The following TMEM150C variants were observed in gnomAD, a reference collection of about 807,000 sequenced individuals.
TMEM150C encodes transmembrane protein 150C.
A neutral mutation model predicts 29.9 loss-of-function variants in TMEM150C; 10 were observed. The observed-to-expected ratio is 0.33, with a 90% CI of 0.21 to 0.57. TMEM150C has a LOEUF of 0.57. TMEM150C is among the 20% of genes least tolerant of loss of function. The pLI, the probability that TMEM150C is intolerant of heterozygous loss-of-function variation, is 0.88. For missense variants in TMEM150C, 251 were observed against 303.6 expected, an observed-to-expected ratio of 0.83 and a Z score of 1.29; for synonymous variants, 101 against 112.5, an observed-to-expected ratio of 0.90 and a Z score of 0.64.
intron 1 of TMEM150C, among the ~76,000 whole-genome samples, chr4:82,539,184 CTT>C (rs1339100939): frequency 6.6e-6 from 1 of 152,092 alleles, no homozygotes; most frequent in Non-Finnish European, 1.5e-5. Context: ...TTTTCAAACT[CTT>C]TTTCAAAGTA....
intron 7 of TMEM150C, 65 bp from the exon 8 acceptor site, chr4:82,485,784 CAG>C: frequency 2.1e-6 from 3 of 1,430,186 alleles, no homozygotes; most frequent in Non-Finnish European, 2.9e-6. Flanking sequence ...CTTTTCAGGG[CAG>C]AGACAGATTA....
rs950578425 is a variant in TMEM150C at position 82,494,971 on chromosome 4, C to A, written c.363+1097G>T. 8.2e-5 allele frequency: 54 copies of A among 655,056 alleles called. 3 individuals carry two copies. In the South Asian group the frequency reaches 8.8e-4, roughly 11 times the overall value. 40.6% of individuals were successfully genotyped at this position (655,056 alleles called of 1,614,324 possible). On this transcript the variant is annotated intron_variant, in intron 6 of 7. Transcript: ENST00000449862. ...GCCGAAAGTTTAGCATATTCTGCAG[C>A]CTCTTCCCTGTTTTTCTTAGTACAC...
chr4:82,557,737 T>TC (rs1434053663), intron 1 of TMEM150C, among the ~76,000 whole-genome samples: 1 of 146,530 alleles, frequency 6.8e-6, no homozygotes, highest in Admixed American at 6.7e-5. Flanking sequence ...TCTTTTTCTT[T>TC]TTTTTTTTTT....
intron 1 of TMEM150C, among the ~76,000 whole-genome samples, chr4:82,516,502 G>A (rs1406773105): frequency 6.6e-6 from 1 of 152,164 alleles, no homozygotes; most frequent in Non-Finnish European, 1.5e-5. Flanking sequence ...TCTATAAAAT[G>A]GGGATCATAA....
In TMEM150C at chr4:82,509,430, A is replaced by G. The variant is rs72913676; in HGVS notation, c.-10-4763T>C. On this transcript the variant is annotated intron_variant, in intron 1 of 7. Transcript: ENST00000449862. ...TTGTGGAAGTGAACAGAGTGTTACT[A>G]TAAGCCCATATTAATTTATTATTTA... 2.7e-3 allele frequency among the ~76,000 whole-genome samples: 404 copies of G among 152,318 alleles called. 1 individual carries two copies. The highest frequency in any genetic ancestry group is 9.4e-3 in the African/African-American group (390 of 41,578).
chr4:82,501,539 GC>G (rs1723737564), intron 5 of TMEM150C, among the ~76,000 whole-genome samples: 3 of 152,198 alleles, frequency 2.0e-5, no homozygotes, highest in Non-Finnish European at 4.4e-5. Context: ...AAGGTGGTTA[GC>G]TCCAGGGAAG....
chr4:82,500,490 G>A (rs1263471160), intron 5 of TMEM150C, among the ~76,000 whole-genome samples: 1 of 152,012 alleles, frequency 6.6e-6, no homozygotes, highest in East Asian at 1.9e-4. Context: ...TCTACCAGAT[G>A]GCACTCAAAA....
intron 1 of TMEM150C, among the ~76,000 whole-genome samples, chr4:82,520,011 T>C (rs1235696075): frequency 6.6e-6 from 1 of 152,210 alleles, no homozygotes; most frequent in Non-Finnish European, 1.5e-5. Flanking sequence ...TATAAATTTG[T>C]CATTGTGAGG....
At chr4:82,502,637 C>T (rs1482610360) in intron 5 of TMEM150C, 90 bp downstream of exon 5, 7 of 1,256,282 alleles carry the variant, frequency 5.6e-6, no homozygotes, top group African/African-American at 3.0e-5. Context: ...ATCAAATAAG[C>T]CCCCCATTGT....
At chr4:82,520,534 T>A (rs537037437) in intron 1 of TMEM150C, among the ~76,000 whole-genome samples, 6 of 152,266 alleles carry the variant, frequency 3.9e-5, no homozygotes, top group Admixed American at 2.6e-4. Flanking sequence ...ACTGAACCAC[T>A]CCTTGCTACA....
chr4:82,495,658 C>T (rs1434556091), intron 6 of TMEM150C: 3 of 297,858 alleles, frequency 1.0e-5, no homozygotes, highest in Non-Finnish European at 2.0e-5. Context: ...AACAGGCAGG[C>T]GGGCATGGCC....
Position 82,556,569 on chromosome 4 carries a change from C to T in TMEM150C, c.-11+5337G>A, listed in dbSNP as rs146422495. 1.6e-4 allele frequency among the ~76,000 whole-genome samples: 24 copies of T among 152,232 alleles called. 1 individual carries two copies. In the East Asian group the frequency reaches 4.2e-3, roughly 27 times the overall value. ...TGGCACACGCCTGTAGTTCCAGCTA[C>T]TTGGGGGGCTGAGGTGGGCGGATCC... On this transcript the variant is annotated intron_variant, in intron 1 of 7. Transcript: ENST00000449862.
chr4:82,500,125 T>A (rs955247379), intron 5 of TMEM150C, among the ~76,000 whole-genome samples: 1 of 152,228 alleles, frequency 6.6e-6, no homozygotes, highest in African/African-American at 2.4e-5. Context: ...AAAGCACAAC[T>A]AATTCTCTAA....
At chr4:82,533,505 TAC>T (rs1724916604) in intron 1 of TMEM150C, among the ~76,000 whole-genome samples, 2 of 152,228 alleles carry the variant, frequency 1.3e-5, no homozygotes, top group Non-Finnish European at 2.9e-5. Context: ...GATGCAGTTT[TAC>T]AGTTATTTAT....
chr4:82,560,753 T>C (rs1345418777), intron 1 of TMEM150C, among the ~76,000 whole-genome samples: 1 of 152,196 alleles, frequency 6.6e-6, no homozygotes, highest in Non-Finnish European at 1.5e-5. Flanking sequence ...AGAATGGAGT[T>C]ATAGCCCTGC....
At chr4:82,527,575 G>A (rs891742541) in intron 1 of TMEM150C, among the ~76,000 whole-genome samples, 6 of 152,146 alleles carry the variant, frequency 3.9e-5, no homozygotes, top group Non-Finnish European at 7.3e-5. Context: ...TTGTGGGTCC[G>A]GGTTGATGCT....
intron 1 of TMEM150C, among the ~76,000 whole-genome samples, chr4:82,540,629 G>A (rs1725171279): frequency 6.6e-6 from 1 of 152,054 alleles, no homozygotes; most frequent in African/African-American, 2.4e-5. Context: ...CCATTGAAAC[G>A]TTTTTATTTA....
chr4:82,511,648 G>A (rs1724131441), intron 1 of TMEM150C, among the ~76,000 whole-genome samples: 1 of 151,774 alleles, frequency 6.6e-6, no homozygotes. Flanking sequence ...GCTAATTTTT[G>A]TAGAGACAGG....
At chr4:82,494,951 A>G (rs1723491643) in intron 6 of TMEM150C, 4 of 607,998 alleles carry the variant, frequency 6.6e-6, no homozygotes, top group Non-Finnish European at 1.2e-5. Context: ...TCTTGGCCGA[A>G]AGTTTAGCAT....
Sources: allele counts gnomAD v4.1 joint callset (sites outside exome capture counted in the v4.1 genomes callset), GRCh38; gene constraint gnomAD v4.1.1; transcripts MANE v1.5; gene names NCBI Gene and HGNC (gene_info 2026-07-23, HGNC 2026-07-21).